The following AKAP6 variants were observed in gnomAD, a reference collection of about 807,000 sequenced individuals.
AKAP6 encodes the protein A-kinase anchor protein 6.
Under a neutral mutation model 188.5 loss-of-function variants are expected in AKAP6, and 58 were observed. That is an observed-to-expected ratio of 0.31 (90% CI 0.25 to 0.38). The LOEUF (loss-of-function observed/expected upper bound fraction) is 0.38, where lower values mean the gene tolerates loss of function less well. Among genes scored for constraint, AKAP6 ranks in the 10% least tolerant of loss-of-function variants. The pLI, the probability that AKAP6 is intolerant of heterozygous loss-of-function variation, is 1.00. For synonymous variants in AKAP6, 989 were observed against 998.6 expected (o/e 0.99, Z 0.18); for missense variants, 2,710 against 2,740.0 (o/e 0.99, Z 0.24).
At chr14:32,797,797 C>T (rs535530333) in intron 12 of AKAP6, among the ~76,000 whole-genome samples, 2 of 150,264 alleles carry the variant, frequency 1.3e-5, no homozygotes, top group African/African-American at 2.4e-5. Flanking sequence ...AAAAAAAAAA[C>T]AACCCTAGAA....
chr14:32,528,617 C>T (rs536176264), intron 2 of AKAP6, among the ~76,000 whole-genome samples: 8 of 152,190 alleles, frequency 5.3e-5, no homozygotes, highest in South Asian at 2.1e-4. Flanking sequence ...TTAGTCCCCC[C>T]GTTGAGTTCT....
intron 2 of AKAP6, among the ~76,000 whole-genome samples, chr14:32,505,113 A>AC (rs1420540928): frequency 1.3e-5 from 2 of 152,178 alleles, no homozygotes; most frequent in Admixed American, 1.3e-4. Flanking sequence ...ATCTACTATA[A>AC]CCTCTAATTA....
chr14:32,786,292 C>T (rs2033399718), intron 12 of AKAP6, among the ~76,000 whole-genome samples: 1 of 69,720 alleles, frequency 1.4e-5, no homozygotes, highest in Non-Finnish European at 3.1e-5. Flanking sequence ...AGACCTAAAC[C>T]TTTATCTTTT....
chr14:32,741,821 T>TTTG (rs1471218706), intron 11 of AKAP6, among the ~76,000 whole-genome samples: 1 of 97,860 alleles, frequency 1.0e-5, no homozygotes, highest in African/African-American at 5.8e-5. Flanking sequence ...GCCTGTAGGT[T>TTTG]TTTTTTTTTT....
Position 32,546,605 on chromosome 14 carries a change from C to G in AKAP6, c.1952C>G (p.Thr651Arg), listed in dbSNP as rs1380823447. 2 of 1,614,040 alleles carry G rather than the reference C, an allele frequency of 1.2e-6. No homozygotes were observed. Among genetic ancestry groups the G allele is most frequent in the African/African-American group, 1.3e-5 (1 of 74,918 alleles). ...EVLALKLENL[T>R]KLLPQKPRGE... ...TTGGCTTTGAAGTTGGAAAACCTAA[C>G]AAAGCTTCTGCCTCAGAAACCCAGA... Residue 651 changes from threonine to arginine, a missense_variant, in exon 4 of 14, where the codon ACA (threonine) becomes AGA (arginine). Around this residue, in one of 2 missense-constraint regions of AKAP6, gnomAD observed 2,473 missense variants for 2,426.1 expected, o/e 1.02. Coordinates refer to ENST00000280979, the MANE Select transcript of AKAP6 (RefSeq NM_004274.5).
intron 1 of AKAP6, among the ~76,000 whole-genome samples, chr14:32,353,214 C>G (rs1329280602): frequency 6.6e-6 from 1 of 152,092 alleles, no homozygotes; most frequent in African/African-American, 2.4e-5. Flanking sequence ...ATTGGTACAC[C>G]CTTCTTTACC....
intron 8 of AKAP6, among the ~76,000 whole-genome samples, chr14:32,681,938 A>G (rs1351945287): frequency 1.3e-5 from 2 of 152,194 alleles, no homozygotes; most frequent in African/African-American, 2.4e-5. Flanking sequence ...GTCAGGCTCT[A>G]TGAAGTGCAG....
intron 2 of AKAP6, among the ~76,000 whole-genome samples, chr14:32,437,838 G>A (rs995795747): frequency 6.6e-6 from 1 of 152,104 alleles, no homozygotes; most frequent in Non-Finnish European, 1.5e-5. Flanking sequence ...GGGCTCAAGC[G>A]ATCTTCTAGC....
At chr14:32,344,651 C>T (rs947234439) in intron 1 of AKAP6, among the ~76,000 whole-genome samples, 4 of 152,132 alleles carry the variant, frequency 2.6e-5, no homozygotes, top group African/African-American at 9.7e-5. Flanking sequence ...CGCAGTGGCT[C>T]ACACATGTAA....
chr14:32,390,580 T>A (rs1414380654), intron 1 of AKAP6, among the ~76,000 whole-genome samples: 2 of 152,146 alleles, frequency 1.3e-5, no homozygotes, highest in Non-Finnish European at 2.9e-5. Context: ...CCTATGGATG[T>A]GGCTTCCTGA....
intron 5 of AKAP6, among the ~76,000 whole-genome samples, chr14:32,579,064 A>G (rs1404310584): frequency 1.3e-5 from 2 of 152,154 alleles, no homozygotes; most frequent in East Asian, 3.8e-4. Context: ...AATGCAACTG[A>G]AGAAATGAGT....
At chr14:32,586,694 C>G (rs189735743) in intron 5 of AKAP6, among the ~76,000 whole-genome samples, 1 of 152,120 alleles carries the variant, frequency 6.6e-6, no homozygotes, top group South Asian at 2.1e-4. Context: ...AGTAATAATT[C>G]GAAGTCAATA....
At position 32,835,271 on chromosome 14, in the gene AKAP6, T is replaced by G. The variant is rs967440031; in HGVS notation, c.*5466T>G. On this transcript the variant is annotated 3_prime_UTR_variant, in exon 14 of 14. Transcript: ENST00000280979. ...TAAACACCGGCAATAGTTGTGTTTTTTTTTTCTTTTTACTTCCTAGATTTT... is the reference window on the plus strand; with the variant it reads ...TAAACACCGGCAATAGTTGTGTTTTGTTTTTCTTTTTACTTCCTAGATTTT... 6.6e-6 allele frequency: 1 copy of G among 152,324 alleles called. No homozygotes were observed. The highest frequency in any genetic ancestry group is 1.9e-4 in the East Asian group (1 of 5,180). The allele number at this position is 152,324 out of a possible 1,614,324, so 9.4% of individuals were successfully genotyped here. A position where few individuals can be genotyped will look rare whatever the true frequency, so the allele number is the denominator to read the frequency against.
At chr14:32,576,972 A>T in intron 4 of AKAP6, 148 bp from the exon 5 acceptor site, 1 of 860,224 alleles carries the variant, frequency 1.2e-6, no homozygotes, top group Non-Finnish European at 1.7e-6. Flanking sequence ...AAATTCCATT[A>T]CAGCAAAGAT....
chr14:32,690,080 C>CAT (rs1316749253), intron 8 of AKAP6, among the ~76,000 whole-genome samples: 1 of 131,598 alleles, frequency 7.6e-6, no homozygotes, highest in South Asian at 2.3e-4. Context: ...CCAAAATACA[C>CAT]ACACACACAC....
intron 11 of AKAP6, among the ~76,000 whole-genome samples, chr14:32,747,290 T>C (rs1177273699): frequency 1.3e-5 from 2 of 152,208 alleles, no homozygotes; most frequent in African/African-American, 4.8e-5. Context: ...CCATGATTCC[T>C]ACAGGTGCCT....
At chr14:32,422,918 A>T (rs780517878) in intron 1 of AKAP6, among the ~76,000 whole-genome samples, 4 of 152,170 alleles carry the variant, frequency 2.6e-5, no homozygotes, top group Non-Finnish European at 5.9e-5. Context: ...AGTAAAAATC[A>T]GGTTGGTTCT....
chr14:32,753,101 T>C (rs1449034107), intron 11 of AKAP6, among the ~76,000 whole-genome samples: 1 of 152,192 alleles, frequency 6.6e-6, no homozygotes, highest in Non-Finnish European at 1.5e-5. Flanking sequence ...GTAGTTCTGC[T>C]TTTAATTTTT....
At chr14:32,751,580 C>T (rs1053684218) in intron 11 of AKAP6, among the ~76,000 whole-genome samples, 12 of 148,206 alleles carry the variant, frequency 8.1e-5, no homozygotes, top group Admixed American at 4.1e-4. Flanking sequence ...AAGTTTTACC[C>T]GCTGTTTGAT....
Sources: gnomAD v4.1 joint callset for allele counts (sites outside exome capture counted in the v4.1 genomes callset) on GRCh38, gnomAD v4.1.1 for gene constraint, gnomAD v4.1.1 regional missense constraint, MANE v1.5 for transcripts, NCBI Gene and HGNC (gene_info 2026-07-23, HGNC 2026-07-21) for gene names.